The following TSPAN3 variants were observed in gnomAD, a reference collection of about 807,000 sequenced individuals.
TSPAN3 encodes the protein tetraspanin-3.
A neutral mutation model predicts 31.1 loss-of-function variants in TSPAN3; 9 were observed. That is an observed-to-expected ratio of 0.29 (90% CI 0.17 to 0.50). The LOEUF is 0.50. Among genes scored for constraint, TSPAN3 ranks in the 20% least tolerant of loss-of-function variants. TSPAN3 has a pLI of 0.98. For synonymous variants in TSPAN3, 129 were observed against 114.3 expected (o/e 1.13, Z -0.82); for missense variants, 252 against 313.5 (o/e 0.80, Z 1.48).
At chr15:77,050,432 C>T (rs1482013744) in intron 6 of TSPAN3, among the ~76,000 whole-genome samples, 2 of 152,044 alleles carry the variant, frequency 1.3e-5, no homozygotes, top group Non-Finnish European at 2.9e-5. Context: ...ATATGGCAGT[C>T]ATATTTAAAT....
intron 6 of TSPAN3, 34 bp downstream of exon 6, chr15:77,052,351 A>G: frequency 1.3e-6 from 2 of 1,596,384 alleles, no homozygotes; most frequent in Non-Finnish European, 1.7e-6. Flanking sequence ...GAACCAACTC[A>G]CTCCGATAGA....
chr15:77,066,571 CAAAAAAAAAA>C (rs35737479), intron 1 of TSPAN3, among the ~76,000 whole-genome samples: 10 of 59,376 alleles, frequency 1.7e-4, no homozygotes, highest in Admixed American at 1.2e-3. Flanking sequence ...GACTTCGTCT[CAAAAAAAAAA>C]AAAAAAAAAA....
In TSPAN3 at chr15:77,056,104, C is replaced by T; in HGVS notation, c.215G>A (p.Cys72Tyr). The change falls in exon 2 of 7, where the codon TGC becomes TAC. Residue 72 changes from cysteine to tyrosine, a missense_variant. Transcript: ENST00000267970. ...ALLFIIGLIGCCATIRESRCG... is the reference protein window; with the variant it reads ...ALLFIIGLIGYCATIRESRCG... ...GCGACTTTCCCGGATTGTGGCACAGCAGCCAATTAGCCCAATGATGAAAAG... is the reference window on the plus strand; with the variant it reads ...GCGACTTTCCCGGATTGTGGCACAGTAGCCAATTAGCCCAATGATGAAAAG... 7 of 1,611,572 alleles carry T rather than the reference C, an allele frequency of 4.3e-6. No homozygotes were observed. Among genetic ancestry groups the T allele is most frequent in the Non-Finnish European group, 5.9e-6 (7 of 1,179,186 alleles).
chr15:77,055,715 G>T, intron 3 of TSPAN3, 74 bp downstream of exon 3: 1 of 1,131,692 alleles, frequency 8.8e-7, no homozygotes, highest in Non-Finnish European at 1.3e-6. Flanking sequence ...CTGATAAAAT[G>T]AATGTGTTCT....
chr15:77,068,619 T>C (rs1350228332), intron 1 of TSPAN3, among the ~76,000 whole-genome samples: 1 of 152,218 alleles, frequency 6.6e-6, no homozygotes, highest in Non-Finnish European at 1.5e-5. Flanking sequence ...ACCTCTTAGG[T>C]AGCTTACTAG....
At chr15:77,069,600 C>T (rs1257687760) in intron 1 of TSPAN3, among the ~76,000 whole-genome samples, 1 of 152,206 alleles carries the variant, frequency 6.6e-6, no homozygotes, top group Non-Finnish European at 1.5e-5. Context: ...CACACACAAA[C>T]GCCCCGAAGG....
chr15:77,051,527 G>GT (rs1226856931), intron 6 of TSPAN3, among the ~76,000 whole-genome samples: 12 of 144,482 alleles, frequency 8.3e-5, no homozygotes, highest in East Asian at 4.0e-4. Context: ...AAACTCTGTC[G>GT]TAAAAAAAAA....
chr15:77,052,284 T>A, intron 6 of TSPAN3, 101 bp downstream of exon 6: 2 of 1,011,102 alleles, frequency 2.0e-6, no homozygotes, highest in South Asian at 2.7e-5. Flanking sequence ...CCACATTACC[T>A]ACATACACAA....
At chr15:77,069,110 T>TA (rs1432403353) in intron 1 of TSPAN3, among the ~76,000 whole-genome samples, 1 of 152,192 alleles carries the variant, frequency 6.6e-6, no homozygotes, top group African/African-American at 2.4e-5. Context: ...GAAATGTAAA[T>TA]ATTATTCTGG....
chr15:77,047,009 C>T (rs187884869), intron 6 of TSPAN3, 82 bp from the exon 7 acceptor site: 6 of 1,168,614 alleles, frequency 5.1e-6, no homozygotes, highest in African/African-American at 3.1e-5. Context: ...GGTAAAAGAG[C>T]TGTTTCAAAG....
In TSPAN3 at chr15:77,046,552, C is replaced by T. The variant is rs1488422585; in HGVS notation, c.*283G>A. ...GGTAACAGAAGCAGGCTCGTGTCCT[C>T]CTTTAATTCTACCACACTACATGAC... is the stretch of plus-strand genomic sequence containing the variant. On this transcript the variant is annotated 3_prime_UTR_variant, in exon 7 of 7. Transcript: ENST00000267970. 1 of 471,996 alleles carries T rather than the reference C, an allele frequency of 2.1e-6. No homozygotes were observed. Among genetic ancestry groups the T allele is most frequent in the African/African-American group, 2.0e-5 (1 of 50,860 alleles). 29.2% of individuals were successfully genotyped at this position (471,996 alleles called of 1,614,324 possible). A position where few individuals can be genotyped will look rare whatever the true frequency, so the allele number is the denominator to read the frequency against.
rs561776956 is a variant in TSPAN3 at position 77,062,096 on chromosome 15, A to G, written c.64-5841T>C. Among the ~76,000 whole-genome samples the G allele has an allele frequency of 2.0e-5, 3 of 152,352 alleles. No homozygotes were observed. The South Asian group carries it at 6.2e-4, about 32-fold the overall frequency. On this transcript the variant is annotated intron_variant, in intron 1 of 6. Transcript: ENST00000267970. ...ATAGGCAGGAATCCATCTTATGCAT[A>G]TATCTTTTTAACATTAAATCCAGAG...
rs1220761170 is a variant in TSPAN3 at position 77,058,149 on chromosome 15, CT to C, written c.64-1895del. Among the ~76,000 whole-genome samples, 6 of 152,296 alleles carry C rather than the reference CT, an allele frequency of 3.9e-5. 1 individual carries two copies. In the South Asian group the frequency reaches 1.2e-3, roughly 32 times the overall value. On this transcript the variant is annotated intron_variant, in intron 1 of 6. Coordinates refer to ENST00000267970, the MANE Select transcript of TSPAN3 (RefSeq NM_005724.6). ...CCTTATCTTATCCCCCTAAATCTTACTTATTGACTCTCCCTGCATCTTAATA... is the reference window on the plus strand; with the variant it reads ...CCTTATCTTATCCCCCTAAATCTTACTATTGACTCTCCCTGCATCTTAATA...
At chr15:77,057,707 C>T (rs1456514013) in intron 1 of TSPAN3, among the ~76,000 whole-genome samples, 1 of 152,140 alleles carries the variant, frequency 6.6e-6, no homozygotes, top group Admixed American at 6.5e-5. Flanking sequence ...ATTCTCTTCA[C>T]GGACTCTGAG....
intron 4 of TSPAN3, among the ~76,000 whole-genome samples, chr15:77,053,277 C>T (rs1413480053): frequency 6.6e-6 from 1 of 151,590 alleles, no homozygotes; most frequent in Non-Finnish European, 1.5e-5. Context: ...GGGCGAGTCA[C>T]CTGAGGTCAA....
At chr15:77,068,409 G>A (rs2076846661) in intron 1 of TSPAN3, 1 of 152,158 alleles carries the variant, frequency 6.6e-6, no homozygotes, top group Non-Finnish European at 1.5e-5. Flanking sequence ...AGATTCAGAG[G>A]AGTCACTTAG....
At chr15:77,065,506 A>G (rs1221607828) in intron 1 of TSPAN3, among the ~76,000 whole-genome samples, 4 of 152,118 alleles carry the variant, frequency 2.6e-5, no homozygotes. Context: ...CGCTCACTAC[A>G]AGCTCCGCCT....
At chr15:77,066,311 C>G (rs1481997652) in intron 1 of TSPAN3, among the ~76,000 whole-genome samples, 1 of 152,122 alleles carries the variant, frequency 6.6e-6, no homozygotes, top group East Asian at 1.9e-4. Flanking sequence ...GTGGCTCACG[C>G]CTGTAATCCT....
Position 77,046,777 on chromosome 15 carries a change from T to C in TSPAN3, c.*58A>G, listed in dbSNP as rs950306747. The C allele has an allele frequency of 7.6e-7, 1 of 1,323,004 alleles. No homozygotes were observed. Among genetic ancestry groups the C allele is most frequent in the Non-Finnish European group, 1.1e-6 (1 of 938,398 alleles). 82.0% of individuals were successfully genotyped at this position (1,323,004 alleles called of 1,614,324 possible). A position where few individuals can be genotyped will look rare whatever the true frequency, so the allele number is the denominator to read the frequency against. ...CTCCAGAGGCCAACAGCAGCAGACC[T>C]GCTCAATTCACCTTCCAAATCAGAA... On this transcript the variant is annotated 3_prime_UTR_variant, in exon 7 of 7. Coordinates refer to ENST00000267970, the MANE Select transcript of TSPAN3 (RefSeq NM_005724.6).
Sources: allele counts gnomAD v4.1 joint callset (sites outside exome capture counted in the v4.1 genomes callset), GRCh38; gene constraint gnomAD v4.1.1; transcripts MANE v1.5; gene names NCBI Gene and HGNC (gene_info 2026-07-23, HGNC 2026-07-21).